The following LAMA2 variants were observed in gnomAD, a reference collection of about 807,000 sequenced individuals.
The protein encoded by LAMA2 is laminin subunit alpha-2.
Under a neutral mutation model 364.8 loss-of-function variants are expected in LAMA2, and 269 were observed. The ratio of observed to expected loss-of-function variants is 0.74; its 90% confidence interval spans 0.67 to 0.82. The LOEUF is 0.82. LAMA2 is among the 40% of genes least tolerant of loss of function. The pLI is 0.00. For missense variants in LAMA2, 3,807 were observed against 3,873.2 expected, an observed-to-expected ratio of 0.98 and a Z score of 0.45; for synonymous variants, 1,379 against 1,370.6, an observed-to-expected ratio of 1.01 and a Z score of -0.14.
At chr6:128,926,496 T>C (rs1180980095) in intron 1 of LAMA2, among the ~76,000 whole-genome samples, 1 of 152,180 alleles carries the variant, frequency 6.6e-6, no homozygotes, top group Admixed American at 6.5e-5. Context: ...GAAAGGAAAT[T>C]TTTAAAACTC....
At chr6:129,453,932 T>A (rs1342396067) in intron 46 of LAMA2, among the ~76,000 whole-genome samples, 1 of 141,326 alleles carries the variant, frequency 7.1e-6, no homozygotes, top group Non-Finnish European at 1.5e-5. Flanking sequence ...CAAACATGCC[T>A]GAGCATTATG....
At chr6:129,014,988 G>A (rs1030828951) in intron 1 of LAMA2, among the ~76,000 whole-genome samples, 21 of 151,892 alleles carry the variant, frequency 1.4e-4, no homozygotes, top group African/African-American at 4.6e-4. Flanking sequence ...ATATAACTAA[G>A]AAATCTATTA....
intron 1 of LAMA2, among the ~76,000 whole-genome samples, chr6:129,047,512 G>A (rs992990965): frequency 2.6e-5 from 4 of 152,180 alleles, no homozygotes; most frequent in African/African-American, 9.7e-5. Context: ...CCAGATGAGA[G>A]TTGGGGGTCA....
At chr6:128,996,885 A>G (rs559649707) in intron 1 of LAMA2, among the ~76,000 whole-genome samples, 10 of 152,354 alleles carry the variant, frequency 6.6e-5, no homozygotes, top group African/African-American at 2.4e-4. Context: ...CCAAATGCCT[A>G]TCAATGATAG....
chr6:129,351,954 A>T (rs1046126030), intron 31 of LAMA2, among the ~76,000 whole-genome samples: 6 of 152,214 alleles, frequency 3.9e-5, no homozygotes, highest in Non-Finnish European at 7.3e-5. Flanking sequence ...TAACTTTCAC[A>T]GTCAGCCATG....
chr6:129,203,065 A>G (rs749907760), intron 12 of LAMA2, among the ~76,000 whole-genome samples: 4 of 152,230 alleles, frequency 2.6e-5, no homozygotes, highest in Non-Finnish European at 5.9e-5. Context: ...GTAGAACTTC[A>G]AATACTTCCT....
In LAMA2 at chr6:129,411,251, T is replaced by C. The variant is rs190725775; in HGVS notation, c.5865+7292T>C. 3.8e-3 allele frequency among the ~76,000 whole-genome samples: 579 copies of C among 152,346 alleles called. 2 individuals carry two copies. Among genetic ancestry groups the C allele is most frequent in the African/African-American group, 0.013 (558 of 41,584 alleles). On this transcript the variant is annotated intron_variant, in intron 40 of 64. Coordinates refer to ENST00000421865, the MANE Select transcript of LAMA2 (RefSeq NM_000426.4). ...ATTCAAGTTCTCTTACTTGCTACAG[T>C]TGTCCATATTTCTTGGGAACCATCA...
chr6:129,407,817 G>A (rs1238222483), intron 40 of LAMA2, among the ~76,000 whole-genome samples: 16 of 152,166 alleles, frequency 1.1e-4, no homozygotes, highest in Non-Finnish European at 2.4e-4. Context: ...AAACACAGAG[G>A]ATGGTAATAT....
intron 12 of LAMA2, among the ~76,000 whole-genome samples, chr6:129,224,348 G>T (rs1028612856): frequency 6.6e-5 from 10 of 152,136 alleles, no homozygotes; most frequent in Non-Finnish European, 1.5e-4. Flanking sequence ...ACTTTCTCCT[G>T]CCTGATTGCC....
At position 129,192,873 on chromosome 6, in the gene LAMA2, C is replaced by T. The variant is rs1193284183; in HGVS notation, c.1782+20C>T. On this transcript the variant is annotated intron_variant, in intron 12 of 64. Transcript: ENST00000421865. ...AACAAAGTAAGTCCACGCTTGCTTC[C>T]CGCTATTCTGCTTTAACTGACTGAT... 3 of 1,610,688 alleles carry T rather than the reference C, an allele frequency of 1.9e-6. No individual in the cohort carries two copies. Among genetic ancestry groups the T allele is most frequent in the Non-Finnish European group, 2.5e-6 (3 of 1,177,794 alleles).
At chr6:128,915,824 G>A (rs1778278757) in intron 1 of LAMA2, among the ~76,000 whole-genome samples, 1 of 152,246 alleles carries the variant, frequency 6.6e-6, no homozygotes, top group East Asian at 1.9e-4. Context: ...AGTCTTTATA[G>A]TTGTATATTT....
intron 9 of LAMA2, among the ~76,000 whole-genome samples, chr6:129,174,788 G>A (rs927917953): frequency 1.3e-5 from 2 of 151,946 alleles, no homozygotes; most frequent in Admixed American, 6.6e-5. Flanking sequence ...TCTTGCCAGC[G>A]CAACGATTCT....
intron 4 of LAMA2, among the ~76,000 whole-genome samples, chr6:129,123,469 A>G (rs756458154): frequency 3.9e-5 from 6 of 152,140 alleles, no homozygotes; most frequent in African/African-American, 9.7e-5. Flanking sequence ...TAGTCAAGAT[A>G]TGGAAGCAAC....
At chr6:129,415,617 G>A (rs1182117808) in intron 40 of LAMA2, among the ~76,000 whole-genome samples, 1 of 152,068 alleles carries the variant, frequency 6.6e-6, no homozygotes, top group African/African-American at 2.4e-5. Context: ...AGGCTGAGGT[G>A]GGAAGATTGC....
At chr6:128,929,357 C>G (rs1779300511) in intron 1 of LAMA2, 1 of 1,062,914 alleles carries the variant, frequency 9.4e-7, no homozygotes, top group Non-Finnish European at 1.5e-6. Context: ...GGTGAGACCT[C>G]GAGAGAATAC....
intron 9 of LAMA2, among the ~76,000 whole-genome samples, chr6:129,175,102 A>G (rs769032170): frequency 6.6e-6 from 1 of 152,244 alleles, no homozygotes; most frequent in Non-Finnish European, 1.5e-5. Flanking sequence ...TCTATTGGGT[A>G]ATCTATTAGA....
At position 129,069,202 on chromosome 6, in the gene LAMA2, T is replaced by C. The variant is rs376961995; in HGVS notation, c.396+9306T>C. ...TGTTGAAACCACATGAATTCTGTTATGGAAAGTCTGAACAAGACTTTCTAA... is the reference window on the plus strand; with the variant it reads ...TGTTGAAACCACATGAATTCTGTTACGGAAAGTCTGAACAAGACTTTCTAA... On this transcript the variant is annotated intron_variant, in intron 3 of 64. Transcript: ENST00000421865. Among the ~76,000 whole-genome samples, 31 of 152,124 alleles carry C rather than the reference T, an allele frequency of 2.0e-4. 1 individual carries two copies. In the East Asian group the frequency reaches 4.2e-3, roughly 21 times the overall value.
chr6:128,913,553 C>A (rs1202466401), intron 1 of LAMA2, among the ~76,000 whole-genome samples: 1 of 152,080 alleles, frequency 6.6e-6, no homozygotes, highest in Admixed American at 6.6e-5. Flanking sequence ...ATACAAGATT[C>A]CATTTTAAAA....
intron 45 of LAMA2, 23 bp downstream of exon 45, chr6:129,445,844 A>G (rs372002253): frequency 1.8e-4 from 285 of 1,593,684 alleles, no homozygotes; most frequent in Non-Finnish European, 2.3e-4. Context: ...TATCGTCAGT[A>G]TCAGTAACTG....
Sources: gnomAD v4.1 joint callset for allele counts (sites outside exome capture counted in the v4.1 genomes callset) on GRCh38, gnomAD v4.1.1 for gene constraint, MANE v1.5 for transcripts, NCBI Gene and HGNC (gene_info 2026-07-23, HGNC 2026-07-21) for gene names.